Variants in MKX observed in about 807,000 individuals in gnomAD.
The protein encoded by MKX is mohawk homeobox, also known as homeobox protein Mohawk.
Under a neutral mutation model 36.0 loss-of-function variants are expected in MKX, and 13 were observed. The ratio of observed to expected loss-of-function variants is 0.36; its 90% CI spans 0.24 to 0.57. The LOEUF (loss-of-function observed/expected upper bound fraction) is 0.57, where lower values mean the gene tolerates loss of function less well. Among genes scored for constraint, MKX ranks in the 20% least tolerant of loss-of-function variants. The pLI is 0.79. For missense variants in MKX, 458 were observed against 456.4 expected, an observed-to-expected ratio of 1.00 and a Z score of -0.03; for synonymous variants, 176 against 178.3, an observed-to-expected ratio of 0.99 and a Z score of 0.10.
At chr10:27,728,528 T>C (rs377095227) in intron 5 of MKX, among the ~76,000 whole-genome samples, 180 of 152,358 alleles carry the variant, frequency 1.2e-3, no homozygotes, top group African/African-American at 4.2e-3. Context: ...AGAGCTTTCA[T>C]GGAGTGGCTC....
At chr10:27,740,539 C>T (rs1397434749) in intron 3 of MKX, among the ~76,000 whole-genome samples, 1 of 152,208 alleles carries the variant, frequency 6.6e-6, no homozygotes, top group African/African-American at 2.4e-5. Context: ...CTGATAGTAA[C>T]TGCCTACAAC....
At chr10:27,684,139 C>G (rs1836301419) in intron 5 of MKX, among the ~76,000 whole-genome samples, 1 of 151,784 alleles carries the variant, frequency 6.6e-6, no homozygotes, top group African/African-American at 2.4e-5. Flanking sequence ...CATATTGAGA[C>G]TCCGTGTCTA....
Position 27,674,750 on chromosome 10 carries a change from CG to C in MKX, c.*478del, listed in dbSNP as rs1836110781. The C allele has an allele frequency of 6.6e-6, 1 of 152,596 alleles. No homozygotes were observed. Among genetic ancestry groups the C allele is most frequent in the African/African-American group, 2.4e-5 (1 of 41,430 alleles). 9.5% of individuals were successfully genotyped at this position (152,596 alleles called of 1,614,324 possible). A position where few individuals can be genotyped will look rare whatever the true frequency, so the allele number is the denominator to read the frequency against. ...ATTGAACAATTTTCAATAATGTAGA[CG>C]TTTTTTAAAAGGAAGATTTCATTTG... On this transcript the variant is annotated 3_prime_UTR_variant, in exon 7 of 7. Coordinates refer to ENST00000419761, the MANE Select transcript of MKX (RefSeq NM_173576.3).
chr10:27,683,675 G>C (rs1365517110), intron 5 of MKX, among the ~76,000 whole-genome samples: 2 of 152,240 alleles, frequency 1.3e-5, no homozygotes, highest in African/African-American at 2.4e-5. Flanking sequence ...GGTGTGCAGA[G>C]CCTGCGTCTA....
intron 5 of MKX, among the ~76,000 whole-genome samples, chr10:27,691,004 C>T (rs1836444345): frequency 6.6e-6 from 1 of 152,152 alleles, no homozygotes; most frequent in Non-Finnish European, 1.5e-5. Flanking sequence ...CTCTCTCCTG[C>T]TGCCTTGTGA....
intron 5 of MKX, among the ~76,000 whole-genome samples, chr10:27,733,317 GAGCAACTTTAGATTTCTTAATAAA>G (rs1290311442): frequency 6.6e-6 from 1 of 152,156 alleles, no homozygotes; most frequent in East Asian, 1.9e-4. Flanking sequence ...TACATTAACA[GAGCAACTTTAGATTTCTTAATAAA>G]GCCCTACTGT....
At chr10:27,685,652 G>A (rs185502735) in intron 5 of MKX, among the ~76,000 whole-genome samples, 2 of 151,954 alleles carry the variant, frequency 1.3e-5, no homozygotes, top group East Asian at 1.9e-4. Flanking sequence ...GGGTTTCACC[G>A]TGTTAGCCAG....
chr10:27,726,469 A>T (rs1003775779), intron 5 of MKX, among the ~76,000 whole-genome samples: 5 of 152,158 alleles, frequency 3.3e-5, no homozygotes, highest in African/African-American at 1.2e-4. Flanking sequence ...CTAGGTAAAC[A>T]ATAAATCCCA....
At chr10:27,732,473 T>C (rs928911310) in intron 5 of MKX, among the ~76,000 whole-genome samples, 4 of 152,190 alleles carry the variant, frequency 2.6e-5, no homozygotes, top group Non-Finnish European at 5.9e-5. Context: ...ACCTTTTTTG[T>C]TTAATAACTG....
intron 5 of MKX, among the ~76,000 whole-genome samples, chr10:27,712,512 A>G (rs1836890613): frequency 6.6e-6 from 1 of 152,122 alleles, no homozygotes; most frequent in Non-Finnish European, 1.5e-5. Flanking sequence ...TAAAAGGAAA[A>G]GGTGGGAGGG....
At chr10:27,700,256 G>C (rs574880372) in intron 5 of MKX, among the ~76,000 whole-genome samples, 1 of 152,250 alleles carries the variant, frequency 6.6e-6, no homozygotes, top group African/African-American at 2.4e-5. Context: ...GGCAGTTTCA[G>C]GCAACATTTA....
chr10:27,682,312 TAAA>T lies in MKX; in HGVS notation c.839-6761_839-6759del, dbSNP rs1003028040. 6.0e-4 allele frequency among the ~76,000 whole-genome samples: 92 copies of T among 152,258 alleles called. 1 individual carries two copies. Among genetic ancestry groups the T allele is most frequent in the African/African-American group, 2.2e-3 (91 of 41,560 alleles). ...AACTTTTTTTAAAAAGCGTATAAAG[TAAA>T]AAAGTAACAGTAAGCTAAGATTAAT... On this transcript the variant is annotated intron_variant, in intron 5 of 6. Transcript: ENST00000419761.
intron 5 of MKX, among the ~76,000 whole-genome samples, chr10:27,707,040 A>G (rs538967338): frequency 1.4e-4 from 22 of 152,174 alleles, no homozygotes; most frequent in Middle Eastern, 3.4e-3. Context: ...AGGATTCTCA[A>G]TGATTATTTG....
intron 5 of MKX, among the ~76,000 whole-genome samples, chr10:27,680,064 G>T (rs2132489785): frequency 6.6e-6 from 1 of 152,212 alleles, no homozygotes; most frequent in South Asian, 2.1e-4. Context: ...GGGAAGGATT[G>T]TGCATGTTGT....
Position 27,742,187 on chromosome 10 carries a change from G to C in MKX, c.189-683C>G, listed in dbSNP as rs1834913803. On this transcript the variant is annotated intron_variant, in intron 2 of 6. Coordinates refer to ENST00000419761, the MANE Select transcript of MKX (RefSeq NM_173576.3). This position sits in a 1 kb window ranked among gnomAD's most constrained non-coding sequence, Gnocchi z 4.2. Reference sequence around the variant, plus strand: ...CGGCAAGCTCTGTCCCATCATGTAAGGTAAAAAGACCTCAGGAAAAGCACA... The same window carrying C: ...CGGCAAGCTCTGTCCCATCATGTAACGTAAAAAGACCTCAGGAAAAGCACA... 6.6e-6 allele frequency among the ~76,000 whole-genome samples: 1 copy of C among 152,166 alleles called. No individual in the cohort carries two copies. The highest frequency in any genetic ancestry group is 6.5e-5 in the Admixed American group (1 of 15,284).
intron 5 of MKX, among the ~76,000 whole-genome samples, chr10:27,727,781 G>A (rs1022219418): frequency 1.3e-5 from 2 of 152,204 alleles, no homozygotes; most frequent in Non-Finnish European, 2.9e-5. Flanking sequence ...TAACCCTGAG[G>A]TTACTGATTT....
At chr10:27,714,056 T>A in intron 5 of MKX, among the ~76,000 whole-genome samples, 1 of 148,656 alleles carries the variant, frequency 6.7e-6, no homozygotes. Flanking sequence ...TTTCTCTGCA[T>A]GGCAACAGGC....
At chr10:27,710,593 A>C (rs985900524) in intron 5 of MKX, among the ~76,000 whole-genome samples, 1 of 152,178 alleles carries the variant, frequency 6.6e-6, no homozygotes, top group Non-Finnish European at 1.5e-5. Context: ...AGAATTGGCA[A>C]TGGGTCTAAT....
intron 5 of MKX, among the ~76,000 whole-genome samples, chr10:27,709,858 T>C (rs1428681376): frequency 6.6e-6 from 1 of 152,198 alleles, no homozygotes; most frequent in Non-Finnish European, 1.5e-5. Flanking sequence ...CATAAGTCAT[T>C]TAACATGTTC....
Sources: allele counts gnomAD v4.1 joint callset (sites outside exome capture counted in the v4.1 genomes callset), GRCh38; gene constraint gnomAD v4.1.1; non-coding constraint Gnocchi (gnomAD v3.1); transcripts MANE v1.5; gene names NCBI Gene and HGNC (gene_info 2026-07-23, HGNC 2026-07-21).